Variants in CDH18 observed in about 807,000 individuals in gnomAD.
The protein encoded by CDH18 is cadherin 18, also known as cadherin-18.
CDH18 carries 31 observed loss-of-function variants against 67.9 expected under a neutral mutation model. That is an observed-to-expected ratio of 0.46 (90% CI 0.34 to 0.62). The LOEUF is 0.62. Ranked by LOEUF, CDH18 falls within the 20% of genes least tolerant of loss-of-function variation. The pLI is 0.01. For synonymous variants in CDH18, 362 were observed against 347.2 expected (o/e 1.04, Z -0.48); for missense variants, 890 against 975.5 (o/e 0.91, Z 1.17).
At chr5:19,532,275 T>A (rs1335877052) in intron 9 of CDH18, among the ~76,000 whole-genome samples, 1 of 152,226 alleles carries the variant, frequency 6.6e-6, no homozygotes, top group Admixed American at 6.5e-5. Context: ...ATTGCTTCTA[T>A]TGAAATACTA....
At chr5:19,857,916 G>C (rs1784476806) in intron 2 of CDH18, among the ~76,000 whole-genome samples, 1 of 152,076 alleles carries the variant, frequency 6.6e-6, no homozygotes, top group African/African-American at 2.4e-5. Flanking sequence ...TATTTAAAGA[G>C]CATAAATTGA....
At chr5:19,990,496 C>T (rs891763335), upstream of CDH18, among the ~76,000 whole-genome samples, 5 of 152,244 alleles carry the variant, frequency 3.3e-5, no homozygotes, top group East Asian at 1.9e-4. Context: ...CTCAGTGCAA[C>T]GACATGCAGA....
Position 19,849,671 on chromosome 5 carries a change from CATAT to C in CDH18, c.-256-10433_-256-10430del, listed in dbSNP as rs10553456. Among the ~76,000 whole-genome samples, 4 of 85,948 alleles carry C rather than the reference CATAT, an allele frequency of 4.7e-5. 2 individuals are homozygous for C. The highest frequency in any genetic ancestry group is 2.4e-4 in the Admixed American group (2 of 8,392). The allele number at this position is 85,948 out of a possible 152,430, so 56.4% of individuals were successfully genotyped here. A position where few individuals can be genotyped will look rare whatever the true frequency, so the allele number is the denominator to read the frequency against. On this transcript the variant is annotated intron_variant, in intron 2 of 12. Transcript: ENST00000382275. ...ATATATAAACATATATATATACACG[CATAT>C]ATATATAAACATATATATATACACG...
intron 6 of CDH18, among the ~76,000 whole-genome samples, chr5:19,596,334 G>A (rs1002745857): frequency 6.6e-6 from 1 of 152,168 alleles, no homozygotes; most frequent in Non-Finnish European, 1.5e-5. Flanking sequence ...ATGGGACACT[G>A]TTTTGCTCAA....
intron 5 of CDH18, among the ~76,000 whole-genome samples, chr5:19,619,903 T>C (rs1330878027): frequency 2.0e-5 from 3 of 152,228 alleles, no homozygotes; most frequent in African/African-American, 7.2e-5. Flanking sequence ...TATGAAATTA[T>C]ATTAGACACT....
rs141601392 is a variant in CDH18 at position 19,636,622 on chromosome 5, A to G, written c.644-24021T>C. On this transcript the variant is annotated intron_variant, in intron 5 of 12. Coordinates refer to ENST00000382275, the MANE Select transcript of CDH18 (RefSeq NM_004934.5). Reference sequence around the variant, plus strand: ...TTTATTATCAATATAAATTAAATCCAAAGTATTTTCATTTATAAAGATAAA... The same window carrying G: ...TTTATTATCAATATAAATTAAATCCGAAGTATTTTCATTTATAAAGATAAA... Among the ~76,000 whole-genome samples, 35 of 152,006 alleles carry G rather than the reference A, an allele frequency of 2.3e-4. 1 individual carries two copies. The East Asian group carries it at 3.1e-3, about 13-fold the overall frequency.
intron 1 of CDH18, among the ~76,000 whole-genome samples, chr5:20,333,788 C>T (rs1203364516): frequency 2.6e-5 from 4 of 152,066 alleles, no homozygotes; most frequent in Non-Finnish European, 4.4e-5. Flanking sequence ...GAAGCATTAT[C>T]TTTTCTAGCC....
In CDH18 at chr5:20,488,717, G is replaced by A. The variant is rs867667437; in HGVS notation, c.-580+86745C>T. ...TATATATATACACACACATACAATT[G>A]TTTATCAATAAAATTCCTTGAAGGA... is the stretch of plus-strand genomic sequence containing the variant. On this transcript the variant is annotated intron_variant, in intron 1 of 14. Coordinates refer to the CDH18 transcript ENST00000507958. Among the ~76,000 whole-genome samples, 208 of 129,228 alleles carry A rather than the reference G, an allele frequency of 1.6e-3. 1 individual carries two copies. In the Middle Eastern group the frequency reaches 0.032, roughly 20 times the overall value. 84.8% of individuals were successfully genotyped at this position (129,228 alleles called of 152,430 possible).
rs72287076 is a variant in CDH18, at chr5:20,546,748, T to TACACACACAC, written c.-580+28713_-580+28714insGTGTGTGTGT. 9.2e-3 allele frequency among the ~76,000 whole-genome samples: 1,302 copies of TACACACACAC among 141,472 alleles called. 17 individuals are homozygous for TACACACACAC. Among genetic ancestry groups the TACACACACAC allele is most frequent in the African/African-American group, 0.02 (739 of 37,134 alleles). The allele number at this position is 141,472 out of a possible 152,430, so 92.8% of individuals were successfully genotyped here. ...AGTCAAACCATATCACATACATACA[T>TACACACACAC]AGACACACACACACACACACATATG... On this transcript the variant is annotated intron_variant, in intron 1 of 14. Transcript: ENST00000507958.
At chr5:20,549,102 C>G (rs1757497691) in intron 1 of CDH18, among the ~76,000 whole-genome samples, 1 of 152,016 alleles carries the variant, frequency 6.6e-6, no homozygotes. Flanking sequence ...AAAGTAACAC[C>G]AGGCAAAAGA....
At chr5:20,398,337 A>C (rs751046139) in intron 1 of CDH18, among the ~76,000 whole-genome samples, 2 of 152,164 alleles carry the variant, frequency 1.3e-5, no homozygotes, top group Non-Finnish European at 2.9e-5. Flanking sequence ...TTTTGAAGTG[A>C]CTAGTTTCAT....
intron 5 of CDH18, among the ~76,000 whole-genome samples, chr5:19,714,280 G>T (rs1765077022): frequency 2.1e-5 from 2 of 96,314 alleles, no homozygotes; most frequent in South Asian, 9.2e-4. Flanking sequence ...GAAAAATCTA[G>T]ATTTTTAACT....
intron 2 of CDH18, among the ~76,000 whole-genome samples, chr5:20,249,721 T>A (rs1743683350): frequency 2.0e-5 from 3 of 152,312 alleles, no homozygotes; most frequent in South Asian, 4.1e-4. Flanking sequence ...GCTAAAAAAA[T>A]TAACAAGCAT....
At chr5:19,947,938 T>C (rs1795433637) in intron 2 of CDH18, among the ~76,000 whole-genome samples, 1 of 151,962 alleles carries the variant, frequency 6.6e-6, no homozygotes, top group Admixed American at 6.6e-5. Flanking sequence ...AGTAAACAAA[T>C]AAACAAATAC....
At chr5:19,955,318 A>G (rs1796160060) in intron 2 of CDH18, among the ~76,000 whole-genome samples, 1 of 152,140 alleles carries the variant, frequency 6.6e-6, no homozygotes, top group South Asian at 2.1e-4. Context: ...TCATTTCACA[A>G]TAGCATCAAA....
intron 3 of CDH18, among the ~76,000 whole-genome samples, chr5:19,792,409 C>A (rs1395709880): frequency 2.0e-5 from 3 of 152,132 alleles, no homozygotes; most frequent in Non-Finnish European, 4.4e-5. Context: ...ACATTGTTGG[C>A]TGGCTTAGTT....
In CDH18 at chr5:20,376,091, A is replaced by ATTTTTTTTT. The variant is rs562655039; in HGVS notation, c.-579-120595_-579-120587dup. On this transcript the variant is annotated intron_variant, in intron 1 of 14. Coordinates refer to the CDH18 transcript ENST00000507958. ...ACAGTAAGCAATTTAAAAAGAAACAATTTTTTTTTTTTTTTTTTTTGAGAC... is the reference window on the plus strand; with the variant it reads ...ACAGTAAGCAATTTAAAAAGAAACAATTTTTTTTTTTTTTTTTTTTTTTTTTTTTGAGAC... Among the ~76,000 whole-genome samples, 85 of 49,756 alleles carry ATTTTTTTTT rather than the reference A, an allele frequency of 1.7e-3. 25 individuals are homozygous for ATTTTTTTTT. The highest frequency in any genetic ancestry group is 9.7e-3 in the South Asian group (7 of 718). The allele number at this position is 49,756 out of a possible 152,430, so 32.6% of individuals were successfully genotyped here. A position where few individuals can be genotyped will look rare whatever the true frequency, so the allele number is the denominator to read the frequency against.
intron 2 of CDH18, among the ~76,000 whole-genome samples, chr5:19,995,546 C>T (rs542966328): frequency 6.7e-6 from 1 of 148,732 alleles, no homozygotes; most frequent in East Asian, 2.0e-4. Flanking sequence ...TCTGAACATA[C>T]TACCTCACTT....
At chr5:19,736,597 C>G (rs987755701) in intron 4 of CDH18, among the ~76,000 whole-genome samples, 2 of 151,842 alleles carry the variant, frequency 1.3e-5, no homozygotes, top group African/African-American at 4.8e-5. Context: ...TTATATTTTT[C>G]TAGTTTTTTT....
Sources: gnomAD v4.1 joint callset for allele counts (sites outside exome capture counted in the v4.1 genomes callset) on GRCh38, gnomAD v4.1.1 for gene constraint, MANE v1.5 for transcripts, NCBI Gene and HGNC (gene_info 2026-07-23, HGNC 2026-07-21) for gene names.